Variants in OSBPL9 observed in about 807,000 individuals in gnomAD.
OSBPL9 encodes the protein oxysterol-binding protein-related protein 9.
A neutral mutation model predicts 106.6 loss-of-function variants in OSBPL9; 40 were observed. The observed-to-expected ratio is 0.38, with a 90% confidence interval of 0.29 to 0.49. The LOEUF (loss-of-function observed/expected upper bound fraction) is 0.49, where lower values mean the gene tolerates loss of function less well. Among genes scored for constraint, OSBPL9 ranks in the 20% least tolerant of loss-of-function variants. The pLI, the probability that OSBPL9 is intolerant of heterozygous loss-of-function variation, is 0.97. For missense variants in OSBPL9, 609 were observed against 887.2 expected, an observed-to-expected ratio of 0.69 and a Z score of 3.98; for synonymous variants, 269 against 295.4, an observed-to-expected ratio of 0.91 and a Z score of 0.92.
At chr1:51,546,995 A>G in the OSBPL9 span, among the ~76,000 whole-genome samples, 2 of 152,340 alleles carry the variant, frequency 1.3e-5, no homozygotes, top group African/African-American at 4.8e-5. Flanking sequence ...TACAGAAATT[A>G]GAATGCTTGA....
At chr1:51,529,872 T>G in the OSBPL9 span, among the ~76,000 whole-genome samples, 1 of 151,094 alleles carries the variant, frequency 6.6e-6, no homozygotes, top group African/African-American at 2.4e-5. Flanking sequence ...GTTGCTTAAG[T>G]ATAAAACTCT....
chr1:51,602,781 C>G (rs1207561488), intron 2 of OSBPL9, among the ~76,000 whole-genome samples: 2 of 152,144 alleles, frequency 1.3e-5, no homozygotes, highest in East Asian at 3.8e-4. Context: ...AATCTTACTT[C>G]TTTCTGTATC....
At chr1:51,704,121 G>C (rs924424331) in intron 3 of OSBPL9, among the ~76,000 whole-genome samples, 7 of 152,128 alleles carry the variant, frequency 4.6e-5, no homozygotes, top group African/African-American at 7.2e-5. Flanking sequence ...TCTCTGCCAG[G>C]CTTTGGTATC....
chr1:51,697,897 C>G (rs957565541), intron 3 of OSBPL9, among the ~76,000 whole-genome samples: 2 of 151,372 alleles, frequency 1.3e-5, no homozygotes, highest in Non-Finnish European at 2.9e-5. Flanking sequence ...CTCCTCTCTA[C>G]TAATTTTCTC....
intron 3 of OSBPL9, among the ~76,000 whole-genome samples, chr1:51,703,173 G>T (rs919227303): frequency 6.6e-6 from 1 of 152,128 alleles, no homozygotes; most frequent in African/African-American, 2.4e-5. Context: ...TTCCAATTCT[G>T]TGAAGAAAGT....
At chr1:51,705,436 G>A (rs1479718246) in intron 3 of OSBPL9, among the ~76,000 whole-genome samples, 3 of 75,218 alleles carry the variant, frequency 4.0e-5, no homozygotes, top group East Asian at 5.5e-4. Context: ...TTTTTGAGAC[G>A]GAGTTTCGCT....
the OSBPL9 span, chr1:51,518,280 C>T: frequency 6.6e-6 from 1 of 152,428 alleles, no homozygotes; most frequent in Middle Eastern, 3.2e-3. Flanking sequence ...CTGAGAAGCA[C>T]AAGGACTGGA....
rs1248439827 is a variant in OSBPL9, at chr1:51,729,166, A to G, written c.318+15087A>G. ...ATTCCTTATGGAGCTGTGGCACAAC[A>G]GCAAGCCCACGATGTCTCACCGGAT... is the stretch of plus-strand genomic sequence containing the variant. On this transcript the variant is annotated intron_variant, in intron 4 of 23. Transcript: ENST00000428468. The surrounding 1 kb of genome is among the most constrained non-coding windows in gnomAD (Gnocchi z 5.1). The G allele has an allele frequency of 6.6e-6, 1 of 152,200 alleles. No homozygotes were observed. The allele number at this position is 152,200 out of a possible 1,614,324, so 9.4% of individuals were successfully genotyped here.
chr1:51,761,126 C>T (rs567894454), intron 10 of OSBPL9, among the ~76,000 whole-genome samples: 15 of 152,184 alleles, frequency 9.9e-5, no homozygotes, highest in South Asian at 4.1e-4. Context: ...AGGGATGTTC[C>T]GTTTTGGGGT....
chr1:51,740,006 G>T, intron 4 of OSBPL9: 5 of 916,096 alleles, frequency 5.5e-6, no homozygotes, highest in South Asian at 3.5e-5. Context: ...TTTTTAACTT[G>T]CCACTTGCTG....
chr1:51,686,946 C>T (rs1226256454), intron 3 of OSBPL9, among the ~76,000 whole-genome samples: 1 of 152,184 alleles, frequency 6.6e-6, no homozygotes, highest in Non-Finnish European at 1.5e-5. Flanking sequence ...GAATGTAGAG[C>T]ATGAGGTTAC....
intron 1 of OSBPL9, among the ~76,000 whole-genome samples, chr1:51,643,899 G>A (rs1645971753): frequency 6.6e-6 from 1 of 151,374 alleles, no homozygotes; most frequent in Non-Finnish European, 1.5e-5. Context: ...GGGCAACAAG[G>A]CGAAACCCCT....
intron 1 of OSBPL9, among the ~76,000 whole-genome samples, chr1:51,650,618 A>G (rs1346934647): frequency 6.6e-6 from 1 of 152,214 alleles, no homozygotes; most frequent in Non-Finnish European, 1.5e-5. Context: ...ACTTCTGAAC[A>G]TGAATTCTTA....
chr1:51,711,080 A>T (rs1314896469), intron 3 of OSBPL9, among the ~76,000 whole-genome samples: 1 of 152,014 alleles, frequency 6.6e-6, no homozygotes, highest in African/African-American at 2.4e-5. Context: ...GAGCAGAACA[A>T]AATGAAAAGT....
chr1:51,613,353 G>A (rs1479766194), upstream of OSBPL9, among the ~76,000 whole-genome samples: 1 of 152,202 alleles, frequency 6.6e-6, no homozygotes, highest in African/African-American at 2.4e-5. Flanking sequence ...TGTATAGTGT[G>A]TTTTGAGGAG....
intron 12 of OSBPL9, among the ~76,000 whole-genome samples, chr1:51,766,227 C>A (rs1018573533): frequency 2.6e-5 from 4 of 152,086 alleles, no homozygotes; most frequent in Non-Finnish European, 5.9e-5. Context: ...CTAAGTTAAT[C>A]CAAGTGGAAT....
Position 51,750,174 on chromosome 1 carries a change from T to G in OSBPL9, c.522T>G (p.Ile174Met). 1.9e-6 allele frequency: 3 copies of G among 1,608,506 alleles called. No homozygotes were observed. The highest frequency in any genetic ancestry group is 2.5e-6 in the Non-Finnish European group (3 of 1,177,586). ...TGGTAGAATCAATTAAACACTGCAT[T>G]GTGTTGCTGCAGATTGCCAAAGTAA... is the stretch of plus-strand genomic sequence containing the variant. Reference protein sequence around the residue: ...NSMVESIKHCIVLLQIAKDQS... With the variant: ...NSMVESIKHCMVLLQIAKDQS... The change falls in exon 8 of 24, where the codon ATT (isoleucine) becomes ATG (methionine). Residue 174 changes from isoleucine to methionine, a missense_variant. Ile to Met is a conservative substitution (Grantham distance 10). Coordinates refer to ENST00000428468, the MANE Select transcript of OSBPL9 (RefSeq NM_024586.6).
chr1:51,767,980 C>T (rs1261670510), intron 12 of OSBPL9, among the ~76,000 whole-genome samples: 9 of 91,382 alleles, frequency 9.8e-5, no homozygotes, highest in Admixed American at 1.9e-4. Context: ...CAGTCTTTGT[C>T]GCCCAGGCTG....
chr1:51,640,523 T>C (rs957706530), intron 1 of OSBPL9, among the ~76,000 whole-genome samples: 1 of 152,226 alleles, frequency 6.6e-6, no homozygotes, highest in African/African-American at 2.4e-5. Context: ...TGTAATAATT[T>C]AAAATACAGT....
Sources: gnomAD v4.1 joint callset for allele counts (sites outside exome capture counted in the v4.1 genomes callset) on GRCh38, gnomAD v4.1.1 for gene constraint, Gnocchi (gnomAD v3.1) non-coding constraint, MANE v1.5 for transcripts, NCBI Gene and HGNC (gene_info 2026-07-23, HGNC 2026-07-21) for gene names.